ATRNL1: variants seen among roughly 807,000 people sequenced by gnomAD.
The protein encoded by ATRNL1 is attractin like 1.
In ATRNL1, 95 loss-of-function variants were observed where a neutral mutation model predicts 182.7. The observed-to-expected ratio is 0.52, with a 90% CI of 0.44 to 0.62. The LOEUF (loss-of-function observed/expected upper bound fraction) is 0.62, where lower values mean the gene tolerates loss of function less well. Ranked by LOEUF, ATRNL1 falls within the 20% of genes least tolerant of loss-of-function variation. ATRNL1 has a pLI of 0.00. For missense variants in ATRNL1, 1,471 were observed against 1,679.5 expected (o/e 0.88, Z 2.17); for synonymous variants, 576 against 568.3 (o/e 1.01, Z -0.19).
At chr10:115,247,950 A>G (rs1046618662) in intron 10 of ATRNL1, among the ~76,000 whole-genome samples, 27 of 152,216 alleles carry the variant, frequency 1.8e-4, no homozygotes, top group African/African-American at 7.2e-5. Context: ...GTTTTCACTC[A>G]TATGTGGAAG....
rs797033219 is a variant in ATRNL1 at position 115,517,508 on chromosome 10, AC to A, written c.3655-1754del. ...ATGTGGATTCACCCTGTTGACATTTACTGCAATTGCACTGTATCTTATTCAG... is the reference window on the plus strand; with the variant it reads ...ATGTGGATTCACCCTGTTGACATTTATGCAATTGCACTGTATCTTATTCAG... On this transcript the variant is annotated intron_variant, in intron 24 of 28. Coordinates refer to ENST00000355044, the MANE Select transcript of ATRNL1 (RefSeq NM_207303.4). 4.6e-5 allele frequency among the ~76,000 whole-genome samples: 7 copies of A among 151,890 alleles called. No individual in the cohort carries two copies. In the East Asian group the frequency reaches 1.3e-3, roughly 29 times the overall value.
chr10:115,230,917 G>GAGAGAAAGAGAA (rs1398622445), intron 9 of ATRNL1, among the ~76,000 whole-genome samples: 1 of 138,324 alleles, frequency 7.2e-6, no homozygotes, highest in African/African-American at 2.8e-5. Context: ...GAGAGAGAGA[G>GAGAGAAAGAGAA]AGAGAAAGAG....
At chr10:115,245,083 C>A (rs902882688) in intron 10 of ATRNL1, among the ~76,000 whole-genome samples, 1 of 151,968 alleles carries the variant, frequency 6.6e-6, no homozygotes, top group Admixed American at 6.6e-5. Flanking sequence ...AAAACTAAAT[C>A]AGTAAAAACT....
intron 18 of ATRNL1, among the ~76,000 whole-genome samples, chr10:115,323,747 T>TA (rs1473519900): frequency 8.7e-4 from 131 of 150,502 alleles, no homozygotes; most frequent in Non-Finnish European, 1.8e-3. Context: ...CCTGGCCCGT[T>TA]ATTTTTTATA....
At chr10:115,856,569 A>G (rs2134380402) in intron 28 of ATRNL1, among the ~76,000 whole-genome samples, 1 of 152,046 alleles carries the variant, frequency 6.6e-6, no homozygotes, top group Non-Finnish European at 1.5e-5. Flanking sequence ...TTCGTGGAAG[A>G]CAATTTTCCA....
At chr10:115,420,323 C>T (rs1340194166) in intron 20 of ATRNL1, among the ~76,000 whole-genome samples, 1 of 152,096 alleles carries the variant, frequency 6.6e-6, no homozygotes, top group Non-Finnish European at 1.5e-5. Flanking sequence ...GGATTACAGG[C>T]ATGAGCCATG....
At position 115,469,269 on chromosome 10, in the gene ATRNL1, C is replaced by A; in HGVS notation, c.3594C>A (p.Ser1198Arg). 6.5e-7 allele frequency: 1 copy of A among 1,529,914 alleles called. No homozygotes were observed. The highest frequency in any genetic ancestry group is 8.8e-7 in the Non-Finnish European group (1 of 1,138,918). The allele number at this position is 1,529,914 out of a possible 1,614,324, so 94.8% of individuals were successfully genotyped here. A position where few individuals can be genotyped will look rare whatever the true frequency, so the allele number is the denominator to read the frequency against. Reference protein sequence around the residue: ...SFSYEKFNFRSNPNITFYVYV... With the variant: ...SFSYEKFNFRRNPNITFYVYV... The stretch of plus-strand genomic sequence containing the variant: ...CCTATGAAAAATTTAACTTTAGAAG[C>A]AATCCTAACATTACATTCTATGTGT... Residue 1198 changes from serine (S) to arginine (R), a missense_variant, in exon 24 of 29, where the codon AGC (serine) becomes AGA (arginine). Physicochemically the swap from Ser to Arg is moderately radical, Grantham distance 110 (BLOSUM62 -1). This residue lies in a region of ATRNL1 where 437 missense variants were observed against 506.0 expected (regional missense o/e 0.86). Coordinates refer to ENST00000355044, the MANE Select transcript of ATRNL1 (RefSeq NM_207303.4).
intron 10 of ATRNL1, among the ~76,000 whole-genome samples, chr10:115,264,043 A>G (rs1851502161): frequency 6.6e-6 from 1 of 151,516 alleles, no homozygotes; most frequent in Non-Finnish European, 1.5e-5. Flanking sequence ...TATACAGGTC[A>G]ACATATATTT....
intron 10 of ATRNL1, among the ~76,000 whole-genome samples, chr10:115,256,550 G>A (rs940463207): frequency 1.3e-5 from 2 of 151,992 alleles, no homozygotes; most frequent in Admixed American, 6.6e-5. Context: ...AGTCTTGCTA[G>A]CGGTCTATCA....
chr10:115,762,903 G>T (rs944667503), intron 27 of ATRNL1, among the ~76,000 whole-genome samples: 7 of 151,904 alleles, frequency 4.6e-5, no homozygotes, highest in Non-Finnish European at 1.0e-4. Flanking sequence ...TTTTTGAAAT[G>T]TTCTTTCTTA....
chr10:115,248,235 A>G (rs1273314662), intron 10 of ATRNL1, among the ~76,000 whole-genome samples: 6 of 152,198 alleles, frequency 3.9e-5, no homozygotes, highest in Admixed American at 6.5e-5. Context: ...AGTTACCCTG[A>G]TCTGATCACT....
chr10:115,694,564 T>G (rs1263263996), intron 26 of ATRNL1, among the ~76,000 whole-genome samples: 1 of 152,130 alleles, frequency 6.6e-6, no homozygotes, highest in African/African-American at 2.4e-5. Flanking sequence ...ACACAGATAC[T>G]GCTATATTCA....
At chr10:115,577,242 G>GT (rs1854771777) in intron 26 of ATRNL1, among the ~76,000 whole-genome samples, 2 of 151,582 alleles carry the variant, frequency 1.3e-5, no homozygotes, top group East Asian at 1.9e-4. Context: ...TTTTAATATT[G>GT]TTTTTTCTAT....
intron 1 of ATRNL1, among the ~76,000 whole-genome samples, chr10:115,111,842 G>A (rs2044118800): frequency 1.3e-5 from 2 of 152,032 alleles, no homozygotes; most frequent in Non-Finnish European, 1.5e-5. Flanking sequence ...TTTCTTGTGT[G>A]GCCATAATGG....
intron 22 of ATRNL1, among the ~76,000 whole-genome samples, chr10:115,464,512 T>C (rs984363806): frequency 6.6e-6 from 1 of 151,984 alleles, no homozygotes; most frequent in Non-Finnish European, 1.5e-5. Flanking sequence ...GTGTCACTTT[T>C]TCAGTACAGC....
At chr10:115,778,418 T>G (rs1648706138) in intron 27 of ATRNL1, among the ~76,000 whole-genome samples, 1 of 152,232 alleles carries the variant, frequency 6.6e-6, no homozygotes, top group Non-Finnish European at 1.5e-5. Flanking sequence ...GTGAAGAGTT[T>G]TCTTATAGTT....
At position 115,621,254 on chromosome 10, in the gene ATRNL1, A is replaced by AAT. The variant is rs781830067; in HGVS notation, c.3795+71740_3795+71741dup. On this transcript the variant is annotated intron_variant, in intron 26 of 28. Coordinates refer to ENST00000355044, the MANE Select transcript of ATRNL1 (RefSeq NM_207303.4). ...TTCAAATAATGGCCATTGAGCTCTG[A>AAT]ATATATATATATATATATATATAGA... Among the ~76,000 whole-genome samples the AAT allele has an allele frequency of 6.6e-3, 467 of 71,224 alleles. 18 individuals are homozygous for AAT. The highest frequency in any genetic ancestry group is 0.062 in the East Asian group (71 of 1,138). 46.7% of individuals were successfully genotyped at this position (71,224 alleles called of 152,430 possible).
At chr10:115,432,012 A>G (rs897341876) in intron 21 of ATRNL1, among the ~76,000 whole-genome samples, 1 of 152,086 alleles carries the variant, frequency 6.6e-6, no homozygotes, top group African/African-American at 2.4e-5. Flanking sequence ...TTCTATGTCA[A>G]TGTTGTCCAA....
chr10:115,341,763 GA>G (rs1855763496), intron 19 of ATRNL1, among the ~76,000 whole-genome samples: 2 of 151,966 alleles, frequency 1.3e-5, no homozygotes, highest in East Asian at 3.9e-4. Context: ...TATCATTATA[GA>G]GTGACCTTCT....
Sources: gnomAD v4.1 joint callset for allele counts (sites outside exome capture counted in the v4.1 genomes callset) on GRCh38, gnomAD v4.1.1 for gene constraint, gnomAD v4.1.1 regional missense constraint, MANE v1.5 for transcripts, NCBI Gene and HGNC (gene_info 2026-07-23, HGNC 2026-07-21) for gene names.